TFCP2: variants seen among roughly 807,000 people sequenced by gnomAD.
The protein encoded by TFCP2 is alpha-globin transcription factor CP2.
TFCP2 carries 33 observed loss-of-function variants against 73.4 expected under a neutral mutation model. That is an observed-to-expected ratio of 0.45 (90% CI 0.34 to 0.60). The LOEUF (loss-of-function observed/expected upper bound fraction) is 0.60. Among genes scored for constraint, TFCP2 ranks in the 20% least tolerant of loss-of-function variants. TFCP2 has a pLI of 0.01. For missense variants in TFCP2, 352 were observed against 604.0 expected, an observed-to-expected ratio of 0.58 and a Z score of 4.37; for synonymous variants, 193 against 211.6, an observed-to-expected ratio of 0.91 and a Z score of 0.76.
chr12:51,107,805 C>T (rs1390171202), intron 6 of TFCP2, among the ~76,000 whole-genome samples: 4 of 151,854 alleles, frequency 2.6e-5, no homozygotes, highest in Admixed American at 2.6e-4. Flanking sequence ...GGGGTTTCAC[C>T]ATTTTGGTCA....
At position 51,117,393 on chromosome 12, in the gene TFCP2, C is replaced by A. The variant is rs115992497; in HGVS notation, c.351+278G>T. Among the ~76,000 whole-genome samples the A allele has an allele frequency of 1.0e-2, 1,515 of 152,232 alleles. 28 individuals carry two copies. Among genetic ancestry groups the A allele is most frequent in the African/African-American group, 0.034 (1,430 of 41,532 alleles). Reference sequence around the variant, plus strand: ...AGATCTCAAGGAGGTTACTTTACTCCACCCAAAAGAACTTCACTGAGCCAG... The same window carrying A: ...AGATCTCAAGGAGGTTACTTTACTCAACCCAAAAGAACTTCACTGAGCCAG... On this transcript the variant is annotated intron_variant, in intron 3 of 14. Coordinates refer to ENST00000257915, the MANE Select transcript of TFCP2 (RefSeq NM_005653.5).
At chr12:51,102,301 A>C (rs922237720) in intron 10 of TFCP2, among the ~76,000 whole-genome samples, 10 of 152,040 alleles carry the variant, frequency 6.6e-5, no homozygotes, top group African/African-American at 2.4e-4. Flanking sequence ...TCCACTATCT[A>C]AGCTGGGCAC....
intron 1 of TFCP2, among the ~76,000 whole-genome samples, chr12:51,164,095 C>CA (rs1279208142): frequency 1.3e-5 from 2 of 151,696 alleles, no homozygotes; most frequent in African/African-American, 4.8e-5. Context: ...CTCAGTTACT[C>CA]AGGAGGCTGA....
intron 1 of TFCP2, among the ~76,000 whole-genome samples, chr12:51,167,685 TGC>T (rs1941782984): frequency 6.6e-6 from 1 of 152,148 alleles, no homozygotes. Context: ...TGCACCACCA[TGC>T]CTGGCCTGAT....
chr12:51,135,524 T>G (rs1941044010), intron 1 of TFCP2, among the ~76,000 whole-genome samples: 1 of 152,220 alleles, frequency 6.6e-6, no homozygotes, highest in Admixed American at 6.5e-5. Context: ...CTGCTGTATT[T>G]GTATATTATA....
chr12:51,121,052 A>T (rs866902656), intron 1 of TFCP2, among the ~76,000 whole-genome samples: 74 of 152,080 alleles, frequency 4.9e-4, no homozygotes, highest in East Asian at 2.5e-3. Flanking sequence ...AAAAAGAAAA[A>T]ATATATATAG....
intron 1 of TFCP2, among the ~76,000 whole-genome samples, chr12:51,150,622 T>A (rs1016764491): frequency 2.0e-5 from 3 of 151,750 alleles, no homozygotes; most frequent in African/African-American, 4.8e-5. Flanking sequence ...GAGAGAAGAT[T>A]TGGAAGATGG....
chr12:51,172,467 G>A lies in TFCP2; in HGVS notation c.-45C>T, dbSNP rs974869141. 4 of 1,610,726 alleles carry A rather than the reference G, an allele frequency of 2.5e-6. No individual in the cohort carries two copies. In the South Asian group the frequency reaches 4.4e-5, roughly 18 times the overall value. ...CAGGAGACACCGTGTCTTGTACAAA[G>A]GCGCGGAGGGTAATTCTACCCAACA... On this transcript the variant is annotated 5_prime_UTR_variant, in exon 1 of 15. Coordinates refer to ENST00000257915, the MANE Select transcript of TFCP2 (RefSeq NM_005653.5).
rs368549057 is a variant in TFCP2 at position 51,108,183 on chromosome 12, G to A, written c.718-837C>T. Among the ~76,000 whole-genome samples the A allele has an allele frequency of 3.3e-5, 5 of 151,934 alleles. No individual in the cohort carries two copies. The East Asian group carries it at 9.9e-4, about 30-fold the overall frequency. ...TGCCTGTAGTCCTAGGTGCTGGGGA[G>A]GCTGAGGCGTGAGAACAGCTTGAAC... On this transcript the variant is annotated intron_variant, in intron 6 of 14. Coordinates refer to ENST00000257915, the MANE Select transcript of TFCP2 (RefSeq NM_005653.5).
chr12:51,123,677 T>C, intron 1 of TFCP2, among the ~76,000 whole-genome samples: 1 of 152,194 alleles, frequency 6.6e-6, no homozygotes, highest in Non-Finnish European at 1.5e-5. Context: ...TCCTCCCACC[T>C]CTTCTCCCAA....
chr12:51,149,220 A>G (rs1204266351), intron 1 of TFCP2, among the ~76,000 whole-genome samples: 1 of 152,048 alleles, frequency 6.6e-6, no homozygotes, highest in Non-Finnish European at 1.5e-5. Context: ...GAGCTAAGCT[A>G]TGAGGTACAA....
chr12:51,144,280 C>T (rs1451433447), intron 1 of TFCP2, among the ~76,000 whole-genome samples: 1 of 152,116 alleles, frequency 6.6e-6, no homozygotes, highest in Non-Finnish European at 1.5e-5. Flanking sequence ...GCAATCCTTC[C>T]ACCTTAGCCT....
chr12:51,144,987 G>A (rs1462506146), intron 1 of TFCP2, among the ~76,000 whole-genome samples: 1 of 152,146 alleles, frequency 6.6e-6, no homozygotes, highest in Non-Finnish European at 1.5e-5. Flanking sequence ...GATCACTTGA[G>A]GTCAGGAGTT....
intron 4 of TFCP2, among the ~76,000 whole-genome samples, chr12:51,114,972 A>G (rs6580789): frequency 0.62 from 92,821 of 149,624 alleles, 29,302 homozygotes; most frequent in Admixed American, 0.68. Flanking sequence ...GAGGCAGGAG[A>G]ATCACTTGAA....
chr12:51,161,902 A>G (rs1472714197), intron 1 of TFCP2, among the ~76,000 whole-genome samples: 1 of 150,960 alleles, frequency 6.6e-6, no homozygotes, highest in Non-Finnish European at 1.5e-5. Context: ...AAAACAAACA[A>G]ACAAACAAAA....
rs1939912168 is a variant in TFCP2 at position 51,094,570 on chromosome 12, T to C, written c.*671A>G. 1 of 152,264 alleles carries C rather than the reference T, an allele frequency of 6.6e-6. No homozygotes were observed. Among genetic ancestry groups the C allele is most frequent in the Admixed American group, 6.5e-5 (1 of 15,276 alleles). The allele number at this position is 152,264 out of a possible 1,614,324, so 9.4% of individuals were successfully genotyped here. ...GCTACTTAGCCACTGTGTGTCTCCATTTCCTCATCTTCGGTTGGGGGTCAC... is the reference window on the plus strand; with the variant it reads ...GCTACTTAGCCACTGTGTGTCTCCACTTCCTCATCTTCGGTTGGGGGTCAC... On this transcript the variant is annotated 3_prime_UTR_variant, in exon 15 of 15. Coordinates refer to ENST00000257915, the MANE Select transcript of TFCP2 (RefSeq NM_005653.5).
chr12:51,129,183 C>T (rs1940882047), intron 1 of TFCP2, among the ~76,000 whole-genome samples: 2 of 151,954 alleles, frequency 1.3e-5, no homozygotes, highest in Non-Finnish European at 2.9e-5. Context: ...TTTGAATATA[C>T]TTAGTTCTGA....
At chr12:51,121,469 ATT>A (rs34031215) in intron 1 of TFCP2, among the ~76,000 whole-genome samples, 29 of 137,166 alleles carry the variant, frequency 2.1e-4, no homozygotes, top group Non-Finnish European at 2.3e-4. Flanking sequence ...GAATCCAGTG[ATT>A]TTTTTTTTTT....
At chr12:51,111,112 T>A in intron 4 of TFCP2, 129 bp from the exon 5 acceptor site, 1 of 16,016 alleles carries the variant, frequency 6.2e-5, no homozygotes, top group South Asian at 5.9e-4. Flanking sequence ...AATTTCTTTG[T>A]TTTTTTTTTT....
Sources: allele counts gnomAD v4.1 joint callset (sites outside exome capture counted in the v4.1 genomes callset), GRCh38; gene constraint gnomAD v4.1.1; transcripts MANE v1.5; gene names NCBI Gene and HGNC (gene_info 2026-07-23, HGNC 2026-07-21).